The following APOBEC3D variants were observed in gnomAD, a reference collection of about 807,000 sequenced individuals.
APOBEC3D encodes the protein DNA dC->dU-editing enzyme APOBEC-3D.
A neutral mutation model predicts 45.6 loss-of-function variants in APOBEC3D; 37 were observed. The ratio of observed to expected loss-of-function variants is 0.81; its 90% CI spans 0.62 to 1.07. APOBEC3D has a LOEUF of 1.07. APOBEC3D is among the 50% of genes least tolerant of loss of function. The pLI, the probability that APOBEC3D is intolerant of heterozygous loss-of-function variation, is 0.00. For synonymous variants in APOBEC3D, 175 were observed against 180.7 expected (o/e 0.97, Z 0.25); for missense variants, 496 against 495.3 (o/e 1.00, Z -0.01).
intron 4 of APOBEC3D, among the ~76,000 whole-genome samples, chr22:39,027,267 G>C (rs975062053): frequency 2.6e-5 from 4 of 152,078 alleles, no homozygotes; most frequent in African/African-American, 4.8e-5. Context: ...GTGGGGGCAC[G>C]CATGGCATCC....
At chr22:39,021,641 C>T in intron 1 of APOBEC3D, 105 bp downstream of exon 1, 1 of 1,525,528 alleles carries the variant, frequency 6.6e-7, no homozygotes, top group Non-Finnish European at 9.0e-7. Flanking sequence ...CAGCCCTGGA[C>T]TTCCTTCCCT....
At chr22:39,024,658 G>A (rs150750916) in intron 2 of APOBEC3D, among the ~76,000 whole-genome samples, 13 of 152,164 alleles carry the variant, frequency 8.5e-5, no homozygotes, top group Non-Finnish European at 1.6e-4. Context: ...AAGCTCAGGG[G>A]ATGCTCCAGA....
chr22:39,022,414 T>A lies in APOBEC3D; in HGVS notation c.18-408T>A, dbSNP rs527277057. ...AGAGGCCTGGGCCTCAGAATTCGGTTCTACCATGATTTTAAAATAATGTTA... is the reference window on the plus strand; with the variant it reads ...AGAGGCCTGGGCCTCAGAATTCGGTACTACCATGATTTTAAAATAATGTTA... On this transcript the variant is annotated intron_variant, in intron 1 of 6. Coordinates refer to ENST00000216099, the MANE Select transcript of APOBEC3D (RefSeq NM_152426.4). 1.1e-4 allele frequency among the ~76,000 whole-genome samples: 17 copies of A among 152,388 alleles called. No individual in the cohort carries two copies. The East Asian group carries it at 3.3e-3, about 29-fold the overall frequency.
chr22:39,025,311 A>G lies in APOBEC3D; in HGVS notation c.452A>G (p.His151Arg), dbSNP rs1569056243. 1.2e-6 allele frequency: 2 copies of G among 1,614,140 alleles called. No individual in the cohort carries two copies. Among genetic ancestry groups the G allele is most frequent in the Non-Finnish European group, 1.7e-6 (2 of 1,180,022 alleles). The change falls in exon 3 of 7, where the codon CAT (histidine) becomes CGT (arginine). Residue 151 changes from histidine to arginine, a missense_variant. Physicochemically the swap from His to Arg is conservative, Grantham distance 29. Transcript: ENST00000216099. The stretch of plus-strand genomic sequence containing the variant: ...TGGCGGTGGGTGCTCCTCAGGCTGC[A>G]TAAGGCAGGGGCCCGTGTGAAGATC... ...RDWRWVLLRL[H>R]KAGARVKIMD...
intron 4 of APOBEC3D, among the ~76,000 whole-genome samples, chr22:39,028,196 C>T (rs1303066001): frequency 6.6e-6 from 1 of 152,154 alleles, no homozygotes; most frequent in Non-Finnish European, 1.5e-5. Context: ...TCCGTGAGCA[C>T]CATTCACCTT....
chr22:39,031,635 C>G, intron 5 of APOBEC3D, 59 bp from the exon 6 acceptor site: 1 of 1,601,238 alleles, frequency 6.2e-7, no homozygotes, highest in South Asian at 1.1e-5. Context: ...CGCCCCACCC[C>G]TACACTCCTC....
chr22:39,030,432 C>CCTA (rs1428979706), intron 5 of APOBEC3D, among the ~76,000 whole-genome samples: 4 of 152,254 alleles, frequency 2.6e-5, no homozygotes, highest in Non-Finnish European at 5.9e-5. Flanking sequence ...GCAAGTGTTT[C>CCTA]CAGTCCCCAC....
intron 4 of APOBEC3D, among the ~76,000 whole-genome samples, chr22:39,026,553 G>A (rs1405940361): frequency 1.3e-5 from 2 of 152,120 alleles, no homozygotes; most frequent in Admixed American, 6.5e-5. Context: ...AGGGGTCCCC[G>A]TTCTGTGTGT....
Position 39,025,334 on chromosome 22 carries a change from A to G in APOBEC3D, c.475A>G (p.Ile159Val). 1 of 1,614,012 alleles carries G rather than the reference A, an allele frequency of 6.2e-7. No individual in the cohort carries two copies. Among genetic ancestry groups the G allele is most frequent in the Non-Finnish European group, 8.5e-7 (1 of 1,179,962 alleles). Residue 159 changes from isoleucine (I) to valine (V), a missense_variant, in exon 3 of 7, where the codon ATC becomes GTC. Transcript: ENST00000216099. ...GCATAAGGCAGGGGCCCGTGTGAAG[A>G]TCATGGACTATGAAGGTGAGAGGTG... ...RLHKAGARVKIMDYEDFAYCW... is the reference protein window; with the variant it reads ...RLHKAGARVKVMDYEDFAYCW...
chr22:39,030,786 G>A (rs971976058), intron 5 of APOBEC3D, among the ~76,000 whole-genome samples: 56 of 152,162 alleles, frequency 3.7e-4, no homozygotes, highest in African/African-American at 1.4e-3. Context: ...GTTAATGGAT[G>A]CCTGGGGGAA....
Position 39,021,334 on chromosome 22 carries a change from C to G in APOBEC3D, c.-186C>G, listed in dbSNP as rs1486635762. On this transcript the variant is annotated 5_prime_UTR_variant, in exon 1 of 7. Coordinates refer to ENST00000216099, the MANE Select transcript of APOBEC3D (RefSeq NM_152426.4). ...TGTTGGTCAGGCTGGTCTCGAACTCCTGACCTCGTGATCCGCCCGCCTCGG... is the reference window on the plus strand; with the variant it reads ...TGTTGGTCAGGCTGGTCTCGAACTCGTGACCTCGTGATCCGCCCGCCTCGG... 4 of 673,610 alleles carry G rather than the reference C, an allele frequency of 5.9e-6. No individual in the cohort carries two copies. The highest frequency in any genetic ancestry group is 1.0e-5 in the Non-Finnish European group (4 of 381,816). 41.7% of individuals were successfully genotyped at this position (673,610 alleles called of 1,614,324 possible).
chr22:39,031,637 A>G (rs1926222377), intron 5 of APOBEC3D, 57 bp from the exon 6 acceptor site: 31 of 1,601,266 alleles, frequency 1.9e-5, no homozygotes, highest in South Asian at 2.2e-5. Context: ...CCCCACCCCT[A>G]CACTCCTCCT....
intron 6 of APOBEC3D, 76 bp from the exon 7 acceptor site, chr22:39,032,122 G>C: frequency 1.3e-6 from 2 of 1,589,650 alleles, no homozygotes; most frequent in South Asian, 2.3e-5. Context: ...AGGAGACCTG[G>C]CTTGGGAGGG....
In APOBEC3D at chr22:39,029,532, T is replaced by G; in HGVS notation, c.762+13T>G. 1 of 1,613,964 alleles carries G rather than the reference T, an allele frequency of 6.2e-7. No individual in the cohort carries two copies. Among genetic ancestry groups the G allele is most frequent in the Non-Finnish European group, 8.5e-7 (1 of 1,179,974 alleles). On this transcript the variant is annotated intron_variant, in intron 5 of 6. Coordinates refer to ENST00000216099, the MANE Select transcript of APOBEC3D (RefSeq NM_152426.4). ...CTTCCGAAACCAGGTAGCACCAAAGTCCTATTTACACCCTAAATAGGAGCT... is the reference window on the plus strand; with the variant it reads ...CTTCCGAAACCAGGTAGCACCAAAGGCCTATTTACACCCTAAATAGGAGCT...
chr22:39,028,217 A>T (rs1479324473), intron 4 of APOBEC3D, among the ~76,000 whole-genome samples: 1 of 152,204 alleles, frequency 6.6e-6, no homozygotes, highest in African/African-American at 2.4e-5. Flanking sequence ...TTAGAATGAC[A>T]CCTGCAACAT....
In APOBEC3D at chr22:39,032,183, T is replaced by C. The variant is rs557801857; in HGVS notation, c.1043-15T>C. 3 of 1,613,350 alleles carry C rather than the reference T, an allele frequency of 1.9e-6. No homozygotes were observed. The East Asian group carries it at 6.7e-5, about 36-fold the overall frequency. On this transcript the variant is annotated splice_polypyrimidine_tract_variant and intron_variant, in intron 6 of 6. Coordinates refer to ENST00000216099, the MANE Select transcript of APOBEC3D (RefSeq NM_152426.4). Reference sequence around the variant, plus strand: ...TTGCTGGGCCCTCACTGCTTTCTCCTTGTTTTTTTCTCAGATTTTGTATCT... The same window carrying C: ...TTGCTGGGCCCTCACTGCTTTCTCCCTGTTTTTTTCTCAGATTTTGTATCT...
rs776446805 is a variant in APOBEC3D, at chr22:39,025,251, C to T, written c.392C>T (p.Ser131Phe). ...AEHPNVTLTI[S>F]AARLYYYRDR... The stretch of plus-strand genomic sequence containing the variant: ...CACCCCAATGTCACCCTGACCATCT[C>T]TGCCGCCCGCCTCTACTACTACCGG... Residue 131 changes from serine (S) to phenylalanine (F), a missense_variant, in exon 3 of 7, where the codon TCT becomes TTT. Transcript: ENST00000216099. The T allele has an allele frequency of 2.6e-5, 42 of 1,614,042 alleles. No individual in the cohort carries two copies. The highest frequency in any genetic ancestry group is 3.5e-5 in the Non-Finnish European group (41 of 1,180,030).
chr22:39,028,099 C>T (rs1429118376), intron 4 of APOBEC3D, among the ~76,000 whole-genome samples: 1 of 152,146 alleles, frequency 6.6e-6, no homozygotes, highest in Non-Finnish European at 1.5e-5. Flanking sequence ...GAAATGGTCT[C>T]TGTACCAGAA....
rs190831871 is a variant in APOBEC3D at position 39,025,602 on chromosome 22, C to A, written c.536C>A (p.Pro179Gln). Residue 179 changes from proline to glutamine, a missense_variant, in exon 4 of 7, where the codon CCA becomes CAA. Coordinates refer to ENST00000216099, the MANE Select transcript of APOBEC3D (RefSeq NM_152426.4). ...WENFVCNEGQ[P>Q]FMPWYKFDDN... The stretch of plus-strand genomic sequence containing the variant: ...AACTTTGTGTGCAATGAAGGTCAGC[C>A]ATTCATGCCTTGGTACAAATTCGAT... 8,147 of 1,614,100 alleles carry A rather than the reference C, an allele frequency of 5.0e-3. 43 individuals carry two copies. The highest frequency in any genetic ancestry group is 0.017 in the South Asian group (1,552 of 91,076).
Sources: gnomAD v4.1 joint callset for allele counts (sites outside exome capture counted in the v4.1 genomes callset) on GRCh38, gnomAD v4.1.1 for gene constraint, MANE v1.5 for transcripts, NCBI Gene and HGNC (gene_info 2026-07-23, HGNC 2026-07-21) for gene names.